Variants in LHFPL3 observed in about 807,000 individuals in gnomAD.
LHFPL3 encodes the protein LHFPL tetraspan subfamily member 3.
Under a neutral mutation model 19.3 loss-of-function variants are expected in LHFPL3, and 5 were observed. That is an observed-to-expected ratio of 0.26 (90% CI 0.14 to 0.54). LHFPL3 has a LOEUF of 0.54. Ranked by LOEUF, LHFPL3 falls within the 20% of genes least tolerant of loss-of-function variation. The pLI, the probability that LHFPL3 is intolerant of heterozygous loss-of-function variation, is 0.94. For synonymous variants in LHFPL3, 133 were observed against 126.2 expected (o/e 1.05, Z -0.36); for missense variants, 249 against 307.4 (o/e 0.81, Z 1.42).
chr7:104,468,742 T>C (rs28590508), intron 1 of LHFPL3, among the ~76,000 whole-genome samples: 21,818 of 146,956 alleles, frequency 0.15, 1,592 homozygotes, highest in Middle Eastern at 0.19. Flanking sequence ...CACTGCAACC[T>C]CCACCTCGCG....
chr7:104,639,356 G>A (rs1267594544), intron 1 of LHFPL3, among the ~76,000 whole-genome samples: 2 of 152,066 alleles, frequency 1.3e-5, no homozygotes, highest in Non-Finnish European at 2.9e-5. Flanking sequence ...TTTCTAATTT[G>A]TGTGCCTAGA....
intron 1 of LHFPL3, among the ~76,000 whole-genome samples, chr7:104,415,537 AAAATT>A (rs1401217063): frequency 6.6e-6 from 1 of 152,210 alleles, no homozygotes; most frequent in Non-Finnish European, 1.5e-5. Flanking sequence ...ACAATTGTGA[AAAATT>A]AATAAACCAC....
At chr7:104,566,381 C>T (rs1297006131) in intron 1 of LHFPL3, among the ~76,000 whole-genome samples, 3 of 152,112 alleles carry the variant, frequency 2.0e-5, no homozygotes, top group Non-Finnish European at 2.9e-5. Flanking sequence ...TCTTCCTACA[C>T]ATCTCACCCT....
At chr7:104,700,731 G>A (rs921286770) in intron 1 of LHFPL3, among the ~76,000 whole-genome samples, 3 of 152,150 alleles carry the variant, frequency 2.0e-5, no homozygotes, top group Non-Finnish European at 2.9e-5. Context: ...TCCATCAGTT[G>A]TTTAAATTCA....
chr7:104,553,494 C>T (rs1401583885), intron 1 of LHFPL3, among the ~76,000 whole-genome samples: 1 of 152,156 alleles, frequency 6.6e-6, no homozygotes, highest in Non-Finnish European at 1.5e-5. Flanking sequence ...AATCTCTAAG[C>T]ACTTTCCAGA....
intron 1 of LHFPL3, among the ~76,000 whole-genome samples, chr7:104,418,213 A>G (rs911305961): frequency 3.9e-5 from 6 of 152,138 alleles, no homozygotes; most frequent in Admixed American, 3.9e-4. Flanking sequence ...TAAGGAAAGT[A>G]AAATCAAAAC....
chr7:104,450,664 T>C (rs761212433), intron 1 of LHFPL3, among the ~76,000 whole-genome samples: 2 of 152,018 alleles, frequency 1.3e-5, no homozygotes, highest in African/African-American at 4.8e-5. Context: ...ATGGCACGTG[T>C]ATACCTATGT....
chr7:104,346,118 C>T (rs1394020526), intron 1 of LHFPL3, among the ~76,000 whole-genome samples: 1 of 151,328 alleles, frequency 6.6e-6, no homozygotes, highest in Admixed American at 6.6e-5. Context: ...TCACTGCAAC[C>T]TCTGCCTCCC....
At position 104,328,716 on chromosome 7, in the gene LHFPL3, C is replaced by A; in HGVS notation, c.-64C>A. Reference sequence around the variant, plus strand: ...CGAGGCTCCGTGAGTGTGTCTCCTGCGCGCTGAGAGGCGGGGGGAGGCGGA... The same window carrying A: ...CGAGGCTCCGTGAGTGTGTCTCCTGAGCGCTGAGAGGCGGGGGGAGGCGGA... On this transcript the variant is annotated 5_prime_UTR_variant, in exon 1 of 3. Transcript: ENST00000424859. This position sits in a 1 kb window ranked among gnomAD's most constrained non-coding sequence, Gnocchi z 4.6. The A allele has an allele frequency of 7.0e-7, 1 of 1,428,434 alleles. No individual in the cohort carries two copies. Among genetic ancestry groups the A allele is most frequent in the Non-Finnish European group, 9.5e-7 (1 of 1,053,352 alleles). The allele number at this position is 1,428,434 out of a possible 1,614,324, so 88.5% of individuals were successfully genotyped here.
intron 2 of LHFPL3, among the ~76,000 whole-genome samples, chr7:104,881,197 T>G (rs796067443): frequency 5.9e-5 from 9 of 151,792 alleles, no homozygotes; most frequent in African/African-American, 2.2e-4. Context: ...AAAGAAATAC[T>G]TTTTGTAAGG....
chr7:104,873,114 T>C (rs919027660), intron 2 of LHFPL3, among the ~76,000 whole-genome samples: 3 of 152,246 alleles, frequency 2.0e-5, no homozygotes, highest in African/African-American at 4.8e-5. Flanking sequence ...ATGCAGCCTG[T>C]TGTAGACCAA....
At chr7:104,436,908 T>G (rs999675433) in intron 1 of LHFPL3, among the ~76,000 whole-genome samples, 1 of 152,218 alleles carries the variant, frequency 6.6e-6, no homozygotes, top group Non-Finnish European at 1.5e-5. Context: ...TTTAAAAAGT[T>G]TGAGACTTTT....
chr7:104,879,848 G>A (rs2116679770), intron 2 of LHFPL3, among the ~76,000 whole-genome samples: 1 of 152,344 alleles, frequency 6.6e-6, no homozygotes, highest in Middle Eastern at 3.4e-3. Flanking sequence ...TACATTGGAA[G>A]AAGATGCCAT....
intron 1 of LHFPL3, among the ~76,000 whole-genome samples, chr7:104,533,843 T>TTC (rs1274273528): frequency 2.0e-5 from 3 of 152,128 alleles, no homozygotes; most frequent in African/African-American, 4.8e-5. Flanking sequence ...CTTGACTCTC[T>TTC]TCTCTCTCTC....
intron 1 of LHFPL3, among the ~76,000 whole-genome samples, chr7:104,643,635 G>C (rs182881630): frequency 1.3e-5 from 2 of 152,308 alleles, no homozygotes; most frequent in East Asian, 1.9e-4. Context: ...ATCACCCAAA[G>C]AGCCTGGACC....
At chr7:104,732,850 T>A (rs1274693654) in intron 1 of LHFPL3, among the ~76,000 whole-genome samples, 1 of 152,238 alleles carries the variant, frequency 6.6e-6, no homozygotes, top group East Asian at 1.9e-4. Flanking sequence ...CTGCTTTCTC[T>A]TGTGGGCATT....
chr7:104,771,997 T>G (rs1794561699), intron 2 of LHFPL3, among the ~76,000 whole-genome samples: 1 of 151,876 alleles, frequency 6.6e-6, no homozygotes, highest in Non-Finnish European at 1.5e-5. Flanking sequence ...AATTTGTATT[T>G]TTAGTAGAAA....
At chr7:104,614,072 G>A (rs1037847532) in intron 1 of LHFPL3, among the ~76,000 whole-genome samples, 2 of 152,154 alleles carry the variant, frequency 1.3e-5, no homozygotes, top group African/African-American at 2.4e-5. Flanking sequence ...AAACTGGCAA[G>A]ACACTGGCAG....
In LHFPL3 at chr7:104,463,189, G is replaced by T. The variant is rs1038518726; in HGVS notation, c.445+133965G>T. Among the ~76,000 whole-genome samples, 6 of 152,048 alleles carry T rather than the reference G, an allele frequency of 3.9e-5. No homozygotes were observed. The South Asian group carries it at 6.2e-4, about 16-fold the overall frequency. On this transcript the variant is annotated intron_variant, in intron 1 of 2. Transcript: ENST00000424859. Reference sequence around the variant, plus strand: ...TTACATTTTTCAAAAAACAAACTCTGTGATTCATTGATCTCTTGAACAGTT... The same window carrying T: ...TTACATTTTTCAAAAAACAAACTCTTTGATTCATTGATCTCTTGAACAGTT...
Sources: gnomAD v4.1 joint callset for allele counts (sites outside exome capture counted in the v4.1 genomes callset) on GRCh38, gnomAD v4.1.1 for gene constraint, Gnocchi (gnomAD v3.1) non-coding constraint, MANE v1.5 for transcripts, NCBI Gene and HGNC (gene_info 2026-07-23, HGNC 2026-07-21) for gene names.